Variants in PTBP2 observed in about 807,000 individuals in gnomAD.
PTBP2 encodes the protein polypyrimidine tract-binding protein 2.
In PTBP2, 13 loss-of-function variants were observed where a neutral mutation model predicts 61.4. The observed-to-expected ratio is 0.21, with a 90% CI of 0.14 to 0.34. The LOEUF (loss-of-function observed/expected upper bound fraction) is 0.34, where lower values mean the gene tolerates loss of function less well. PTBP2 is among the 10% of genes least tolerant of loss of function. The pLI is 1.00. For synonymous variants in PTBP2, 215 were observed against 218.5 expected, an observed-to-expected ratio of 0.98 and a Z score of 0.14; for missense variants, 405 against 642.6, an observed-to-expected ratio of 0.63 and a Z score of 4.00.
chr1:96,755,427 T>G (rs1655043998), intron 3 of PTBP2, among the ~76,000 whole-genome samples: 1 of 152,212 alleles, frequency 6.6e-6, no homozygotes, highest in African/African-American at 2.4e-5. Flanking sequence ...CGTAGTACTT[T>G]GGAAAACAAT....
chr1:96,773,819 T>C (rs570877208), intron 5 of PTBP2, among the ~76,000 whole-genome samples: 88 of 151,762 alleles, frequency 5.8e-4, no homozygotes, highest in African/African-American at 2.0e-3. Flanking sequence ...GAAAATTAGC[T>C]GGGCGTGGTG....
chr1:96,726,716 C>T (rs975427172), intron 2 of PTBP2, among the ~76,000 whole-genome samples: 4 of 152,072 alleles, frequency 2.6e-5, no homozygotes, highest in Non-Finnish European at 4.4e-5. Flanking sequence ...GGATTACAAG[C>T]GTGAGCCACC....
intron 7 of PTBP2, among the ~76,000 whole-genome samples, chr1:96,779,138 T>G (rs554097134): frequency 1.2e-4 from 19 of 152,236 alleles, no homozygotes; most frequent in African/African-American, 4.3e-4. Context: ...AATCTAATCT[T>G]ACTGTGCTTT....
chr1:96,780,156 A>G (rs1317383360), intron 7 of PTBP2, among the ~76,000 whole-genome samples: 1 of 152,032 alleles, frequency 6.6e-6, no homozygotes, highest in Non-Finnish European at 1.5e-5. Flanking sequence ...TTAGTTATCT[A>G]AGACCAATAA....
intron 8 of PTBP2, among the ~76,000 whole-genome samples, chr1:96,802,393 T>C (rs1445245555): frequency 6.6e-6 from 1 of 151,944 alleles, no homozygotes; most frequent in Non-Finnish European, 1.5e-5. Context: ...TAATGAACAG[T>C]AGATGGTTAT....
chr1:96,777,581 C>A lies in PTBP2; in HGVS notation c.433-4C>A. The A allele has an allele frequency of 1.2e-6, 2 of 1,600,778 alleles. No homozygotes were observed. The highest frequency in any genetic ancestry group is 1.7e-6 in the Non-Finnish European group (2 of 1,174,962). ...TTTCTAAACTACATAATCTTAATTT[C>A]CAGCGTGCTCAGGCAGTTCTTCAAG... On this transcript the variant is annotated splice_polypyrimidine_tract_variant and splice_region_variant and intron_variant, in intron 5 of 13. Transcript: ENST00000674951.
At chr1:96,738,995 A>G (rs1488109258) in intron 2 of PTBP2, among the ~76,000 whole-genome samples, 2 of 152,180 alleles carry the variant, frequency 1.3e-5, no homozygotes, top group African/African-American at 2.4e-5. Context: ...AAACATTACA[A>G]ATGTTTTTTA....
In PTBP2 at chr1:96,739,632, T is replaced by G. The variant is rs1347317768; in HGVS notation, c.40-11793T>G. Among the ~76,000 whole-genome samples the G allele has an allele frequency of 4.2e-5, 6 of 144,518 alleles. No homozygotes were observed. In the East Asian group the frequency reaches 1.0e-3, roughly 24 times the overall value. The allele number at this position is 144,518 out of a possible 152,430, so 94.8% of individuals were successfully genotyped here. ...AACTGGTGTGTGTTTTTTTTTTTTTTTTTTTTTTTTTTGAGACGGAGTCTT... is the reference window on the plus strand; with the variant it reads ...AACTGGTGTGTGTTTTTTTTTTTTTGTTTTTTTTTTTTGAGACGGAGTCTT... On this transcript the variant is annotated intron_variant, in intron 2 of 13. Transcript: ENST00000674951.
At chr1:96,770,530 G>C (rs1657257642) in intron 4 of PTBP2, among the ~76,000 whole-genome samples, 178 bp from the exon 5 acceptor site, 1 of 151,902 alleles carries the variant, frequency 6.6e-6, no homozygotes, top group Non-Finnish European at 1.5e-5. Context: ...TCTGAGGTTA[G>C]CTTTAACTGT....
intron 11 of PTBP2, among the ~76,000 whole-genome samples, chr1:96,809,408 T>C (rs926605313): frequency 6.6e-6 from 1 of 152,194 alleles, no homozygotes; most frequent in East Asian, 1.9e-4. Context: ...ACAGACCTCA[T>C]TCTCTATTGC....
At chr1:96,820,347 A>G (rs1031680723) in exon 14 of PTBP2, 24 of 152,252 alleles carry the variant, frequency 1.6e-4, no homozygotes, top group African/African-American at 5.3e-4. Context: ...ACAGAACCAC[A>G]GTACAGCTGG....
chr1:96,808,153 G>T (rs943093402), intron 11 of PTBP2, among the ~76,000 whole-genome samples: 1 of 151,972 alleles, frequency 6.6e-6, no homozygotes, highest in African/African-American at 2.4e-5. Flanking sequence ...AGATCTTCCA[G>T]ATAGTTTTTG....
At chr1:96,803,531 A>G (rs1384018173) in intron 8 of PTBP2, among the ~76,000 whole-genome samples, 2 of 152,172 alleles carry the variant, frequency 1.3e-5, no homozygotes, top group African/African-American at 4.8e-5. Flanking sequence ...CTCAGAAGAG[A>G]TAAAGGCTGA....
chr1:96,769,990 T>C, intron 4 of PTBP2, 115 bp downstream of exon 4: 5 of 795,210 alleles, frequency 6.3e-6, no homozygotes, highest in Non-Finnish European at 9.0e-6. Flanking sequence ...AGAAGTCTTA[T>C]TCTCACTTTT....
At chr1:96,806,484 T>G in intron 10 of PTBP2, 32 bp downstream of exon 10, 1 of 1,587,572 alleles carries the variant, frequency 6.3e-7, no homozygotes, top group Non-Finnish European at 8.6e-7. Context: ...ACTTTTATTA[T>G]TGATTTGATT....
In PTBP2 at chr1:96,761,345, G is replaced by GGTGTGTGT. The variant is rs1557720471; in HGVS notation, c.116-8358_116-8357insGTGTGTGT. ...TAGCAGGGGCCTAGATGTGGGATTTGATGTGTGTGTGTGTGTGTGTGTGTG... is the reference window on the plus strand; with the variant it reads ...TAGCAGGGGCCTAGATGTGGGATTTGGTGTGTGTATGTGTGTGTGTGTGTGTGTGTGTG... On this transcript the variant is annotated intron_variant, in intron 3 of 13. Transcript: ENST00000674951. Among the ~76,000 whole-genome samples, 40 of 80,924 alleles carry GGTGTGTGT rather than the reference G, an allele frequency of 4.9e-4. 1 individual carries two copies. The highest frequency in any genetic ancestry group is 1.6e-3 in the African/African-American group (37 of 22,530). 53.1% of individuals were successfully genotyped at this position (80,924 alleles called of 152,430 possible).
intron 2 of PTBP2, among the ~76,000 whole-genome samples, chr1:96,724,408 G>T (rs925190834): frequency 6.6e-6 from 1 of 151,692 alleles, no homozygotes; most frequent in Non-Finnish European, 1.5e-5. Flanking sequence ...GCACCACCAC[G>T]CCCAGCTAAT....
chr1:96,783,019 T>C (rs1229204237), intron 7 of PTBP2, among the ~76,000 whole-genome samples: 1 of 152,010 alleles, frequency 6.6e-6, no homozygotes, highest in African/African-American at 2.4e-5. Context: ...CTGCAAATTA[T>C]CTTGAGCTTT....
chr1:96,806,805 A>G (rs1661533268), intron 10 of PTBP2, 61 bp from the exon 11 acceptor site: 1 of 1,208,636 alleles, frequency 8.3e-7, no homozygotes, highest in African/African-American at 1.5e-5. Flanking sequence ...GATAATCTTT[A>G]GGTGACTTCC....
Sources: allele counts gnomAD v4.1 joint callset (sites outside exome capture counted in the v4.1 genomes callset), GRCh38; gene constraint gnomAD v4.1.1; transcripts MANE v1.5; gene names NCBI Gene and HGNC (gene_info 2026-07-23, HGNC 2026-07-21).